LRRC3B: variants seen among roughly 807,000 people sequenced by gnomAD.
The protein encoded by LRRC3B is leucine-rich repeat-containing protein 3B.
In LRRC3B, 2 loss-of-function variants were observed where a neutral mutation model predicts 12.8. The observed-to-expected ratio is 0.16, with a 90% CI of 0.06 to 0.49. LRRC3B has a LOEUF of 0.49. Among genes scored for constraint, LRRC3B ranks in the 20% least tolerant of loss-of-function variants. The pLI, the probability that LRRC3B is intolerant of heterozygous loss-of-function variation, is 0.96. For missense variants in LRRC3B, 189 were observed against 319.4 expected (o/e 0.59, Z 3.11); for synonymous variants, 132 against 122.0 (o/e 1.08, Z -0.54).
chr3:26,652,290 G>A (rs1001413430), intron 1 of LRRC3B, among the ~76,000 whole-genome samples: 1 of 152,214 alleles, frequency 6.6e-6, no homozygotes, highest in African/African-American at 2.4e-5. Flanking sequence ...AGGACAGCTG[G>A]GGCCTGCGAA....
chr3:26,692,010 A>C (rs1461394636), intron 1 of LRRC3B, among the ~76,000 whole-genome samples: 1 of 152,198 alleles, frequency 6.6e-6, no homozygotes, highest in Admixed American at 6.5e-5. Flanking sequence ...ATCAACAGGC[A>C]CTAGGATGGC....
At chr3:26,649,609 C>T (rs759241575) in intron 1 of LRRC3B, among the ~76,000 whole-genome samples, 6 of 152,160 alleles carry the variant, frequency 3.9e-5, no homozygotes, top group Non-Finnish European at 7.4e-5. Context: ...GACCTTAACA[C>T]TTTGTGCCTG....
At position 26,707,054 on chromosome 3, in the gene LRRC3B, C is replaced by T. The variant is rs183322400; in HGVS notation, c.-160-2459C>T. The stretch of plus-strand genomic sequence containing the variant: ...ATGGCTAAAAAGCATCGAACTTTTA[C>T]TACCAATTTCGTACTGTGCTAAGCG... On this transcript the variant is annotated intron_variant, in intron 1 of 1. Coordinates refer to ENST00000396641, the Ensembl canonical transcript of LRRC3B. Among the ~76,000 whole-genome samples the T allele has an allele frequency of 1.7e-4, 26 of 152,130 alleles. No homozygotes were observed. The East Asian group carries it at 4.3e-3, about 25-fold the overall frequency.
intron 1 of LRRC3B, among the ~76,000 whole-genome samples, chr3:26,648,227 G>A (rs1171141458): frequency 6.6e-6 from 1 of 152,060 alleles, no homozygotes; most frequent in Non-Finnish European, 1.5e-5. Flanking sequence ...GGGGATTTCA[G>A]AACTCTCAAT....
intron 1 of LRRC3B, among the ~76,000 whole-genome samples, chr3:26,635,165 C>T (rs992153562): frequency 6.6e-6 from 1 of 152,126 alleles, no homozygotes; most frequent in Non-Finnish European, 1.5e-5. Context: ...CCACCTGGAC[C>T]TCAGGACTGC....
intron 1 of LRRC3B, among the ~76,000 whole-genome samples, chr3:26,641,411 G>A (rs1355182306): frequency 6.6e-6 from 1 of 152,188 alleles, no homozygotes; most frequent in Non-Finnish European, 1.5e-5. Context: ...AGCTGAGATG[G>A]TGCCTTCCAA....
At chr3:26,643,891 C>G (rs919898949) in intron 1 of LRRC3B, among the ~76,000 whole-genome samples, 2 of 152,086 alleles carry the variant, frequency 1.3e-5, no homozygotes, top group African/African-American at 4.8e-5. Flanking sequence ...TCTTGAGAAG[C>G]CTTTTCTTAC....
chr3:26,628,262 T>C (rs1046937707), intron 1 of LRRC3B, among the ~76,000 whole-genome samples: 5 of 151,990 alleles, frequency 3.3e-5, no homozygotes, highest in Non-Finnish European at 5.9e-5. Context: ...CAGAACACAA[T>C]GAATAGATAT....
intron 1 of LRRC3B, chr3:26,625,610 G>C (rs541095790): frequency 6.6e-6 from 1 of 152,286 alleles, no homozygotes; most frequent in African/African-American, 2.4e-5. Flanking sequence ...CTGAATTTGC[G>C]CTCTGGCCAC....
chr3:26,676,043 T>C (rs1212134781), intron 1 of LRRC3B, among the ~76,000 whole-genome samples: 1 of 152,014 alleles, frequency 6.6e-6, no homozygotes, highest in Non-Finnish European at 1.5e-5. Context: ...GGCCAGTTAC[T>C]TCAAAGAATA....
At chr3:26,684,717 A>G (rs963992055) in intron 1 of LRRC3B, among the ~76,000 whole-genome samples, 2 of 152,174 alleles carry the variant, frequency 1.3e-5, no homozygotes, top group African/African-American at 4.8e-5. Context: ...ATCACCTCTC[A>G]AAGGTATCAC....
At chr3:26,666,087 G>C (rs143056991) in intron 1 of LRRC3B, among the ~76,000 whole-genome samples, 1 of 152,214 alleles carries the variant, frequency 6.6e-6, no homozygotes, top group East Asian at 1.9e-4. Context: ...GAAGGAGAGA[G>C]AACCATGGAG....
intron 1 of LRRC3B, among the ~76,000 whole-genome samples, chr3:26,699,883 C>T (rs1199627306): frequency 1.3e-5 from 2 of 152,218 alleles, no homozygotes; most frequent in South Asian, 4.1e-4. Context: ...GCAGAGACAT[C>T]GTGGTATCTT....
intron 1 of LRRC3B, among the ~76,000 whole-genome samples, chr3:26,628,845 TA>T (rs5847410): frequency 0.22 from 29,559 of 136,922 alleles, 3,264 homozygotes; most frequent in African/African-American, 0.28. Context: ...GAGTAAATAC[TA>T]AAAAAAAAAA....
At chr3:26,658,548 A>G (rs771008296) in intron 1 of LRRC3B, among the ~76,000 whole-genome samples, 113 of 152,320 alleles carry the variant, frequency 7.4e-4, no homozygotes, top group Middle Eastern at 6.8e-3. Flanking sequence ...TACTGGTATC[A>G]CACATTGAAG....
intron 1 of LRRC3B, among the ~76,000 whole-genome samples, chr3:26,653,304 G>A (rs1412398038): frequency 6.6e-6 from 1 of 152,194 alleles, no homozygotes; most frequent in Non-Finnish European, 1.5e-5. Flanking sequence ...GTGTTAGTCA[G>A]AGCCTGTACC....
At chr3:26,675,859 G>GAAAC (rs1356899948) in intron 1 of LRRC3B, among the ~76,000 whole-genome samples, 1 of 151,988 alleles carries the variant, frequency 6.6e-6, no homozygotes, top group Non-Finnish European at 1.5e-5. Flanking sequence ...TCTTTATGAT[G>GAAAC]AAACATACAA....
intron 1 of LRRC3B, among the ~76,000 whole-genome samples, chr3:26,695,277 C>T (rs1410922008): frequency 6.6e-6 from 1 of 152,054 alleles, no homozygotes; most frequent in East Asian, 1.9e-4. Context: ...CCTGTAATCC[C>T]AGCACTTTGG....
chr3:26,698,555 G>A (rs988049652), intron 1 of LRRC3B, among the ~76,000 whole-genome samples: 4 of 151,954 alleles, frequency 2.6e-5, no homozygotes, highest in African/African-American at 9.7e-5. Flanking sequence ...TCTTCCCCTC[G>A]AAGATTTTTG....
Sources: allele counts gnomAD v4.1 joint callset (sites outside exome capture counted in the v4.1 genomes callset), GRCh38; gene constraint gnomAD v4.1.1; transcripts MANE v1.5; gene names NCBI Gene and HGNC (gene_info 2026-07-23, HGNC 2026-07-21).